MYO7B: variants seen among roughly 807,000 people sequenced by gnomAD.
MYO7B encodes the protein unconventional myosin-VIIb.
A neutral mutation model predicts 259.7 loss-of-function variants in MYO7B; 212 were observed. That is an observed-to-expected ratio of 0.82 (90% CI 0.73 to 0.91). The LOEUF (loss-of-function observed/expected upper bound fraction) is 0.91. Ranked by LOEUF, MYO7B falls within the 40% of genes least tolerant of loss-of-function variation. The pLI is 0.00. For missense variants in MYO7B, 2,732 were observed against 2,813.5 expected (o/e 0.97, Z 0.66); for synonymous variants, 1,197 against 1,166.4 (o/e 1.03, Z -0.54).
At chr2:127,579,454 G>A (rs1029257760) in intron 9 of MYO7B, among the ~76,000 whole-genome samples, 4 of 152,172 alleles carry the variant, frequency 2.6e-5, no homozygotes, top group Non-Finnish European at 4.4e-5. Context: ...TGCACACTTC[G>A]GCCAGGGAAA....
rs149090631 is a variant in MYO7B at position 127,607,809 on chromosome 2, G to T, written c.2643+385G>T. Among the ~76,000 whole-genome samples, 424 of 152,286 alleles carry T rather than the reference G, an allele frequency of 2.8e-3. 3 individuals are homozygous for T. The highest frequency in any genetic ancestry group is 9.7e-3 in the African/African-American group (401 of 41,554). ...GACAGCCTTAGCCTTGAACCTGGAAGGTGAGCTCAGGTCCCCTCCCTTTCA... is the reference window on the plus strand; with the variant it reads ...GACAGCCTTAGCCTTGAACCTGGAATGTGAGCTCAGGTCCCCTCCCTTTCA... On this transcript the variant is annotated intron_variant, in intron 21 of 47. Coordinates refer to ENST00000409816, the MANE Select transcript of MYO7B (RefSeq NM_001393586.1). The surrounding 1 kb of genome is among the most constrained non-coding windows in gnomAD (Gnocchi z 4.4).
intron 36 of MYO7B, 96 bp downstream of exon 36, chr2:127,631,004 T>C: frequency 1.4e-6 from 2 of 1,404,946 alleles, no homozygotes; most frequent in Non-Finnish European, 1.9e-6. Flanking sequence ...TCCACCTCAT[T>C]GCACCCACTG....
At chr2:127,561,914 G>A (rs1678100960) in intron 2 of MYO7B, among the ~76,000 whole-genome samples, 1 of 152,180 alleles carries the variant, frequency 6.6e-6, no homozygotes, top group African/African-American at 2.4e-5. Context: ...GTCTGGTGAA[G>A]CCTCTCTTCC....
chr2:127,637,300 C>G lies in MYO7B; in HGVS notation c.6328-16C>G. 2 of 1,540,558 alleles carry G rather than the reference C, an allele frequency of 1.3e-6. No homozygotes were observed. Among genetic ancestry groups the G allele is most frequent in the Non-Finnish European group, 1.7e-6 (2 of 1,147,022 alleles). On this transcript the variant is annotated splice_polypyrimidine_tract_variant and intron_variant, in intron 47 of 47. Coordinates refer to ENST00000409816, the MANE Select transcript of MYO7B (RefSeq NM_001393586.1). ...CTCTGCACCCACAGCCTCTGACCCC[C>G]CCGTCCCCTGTCCAGGGCTATAAGA...
intron 1 of MYO7B, among the ~76,000 whole-genome samples, chr2:127,544,367 C>T (rs1176247383): frequency 1.3e-5 from 2 of 152,120 alleles, no homozygotes; most frequent in East Asian, 3.9e-4. Context: ...ATGTGACCTT[C>T]TTCACTTAGA....
At chr2:127,580,413 A>G (rs574338561) in intron 9 of MYO7B, among the ~76,000 whole-genome samples, 1 of 152,362 alleles carries the variant, frequency 6.6e-6, no homozygotes, top group South Asian at 2.1e-4. Flanking sequence ...CTGATGGCTC[A>G]TCTCTCCAGT....
Position 127,574,074 on chromosome 2 carries a change from C to A in MYO7B, c.735+12C>A, listed in dbSNP as rs1046613228. 4 of 1,613,626 alleles carry A rather than the reference C, an allele frequency of 2.5e-6. No homozygotes were observed. The highest frequency in any genetic ancestry group is 1.3e-5 in the African/African-American group (1 of 74,914). On this transcript the variant is annotated intron_variant, in intron 7 of 47. Coordinates refer to ENST00000409816, the MANE Select transcript of MYO7B (RefSeq NM_001393586.1). ...GGGTCTGCCGGCAGGTGAGGCCTCC[C>A]CCTTCCCAGGTCGGGAGTTGAGGGA...
intron 26 of MYO7B, 54 bp from the exon 27 acceptor site, chr2:127,620,286 C>T: frequency 1.3e-6 from 2 of 1,560,656 alleles, no homozygotes; most frequent in Non-Finnish European, 1.7e-6. Context: ...GTACCCCTGT[C>T]TCCTCTCCTC....
Position 127,572,416 on chromosome 2 carries a change from C to CAAAA in MYO7B, c.593-1492_593-1489dup, listed in dbSNP as rs34864324. ...CCTGGGCGACAGAGTGAGACTGTCT[C>CAAAA]AAAAAAAAAAAAAAAGACTTTTCTG... On this transcript the variant is annotated intron_variant, in intron 6 of 47. Transcript: ENST00000409816. Among the ~76,000 whole-genome samples, 70 of 78,780 alleles carry CAAAA rather than the reference C, an allele frequency of 8.9e-4. 11 individuals carry two copies. The highest frequency in any genetic ancestry group is 2.5e-3 in the Admixed American group (21 of 8,370). 51.7% of individuals were successfully genotyped at this position (78,780 alleles called of 152,430 possible).
rs1692921455 is a variant in MYO7B at position 127,539,521 on chromosome 2, A to G, written c.-24+3690A>G. ...CATTGGCTATAACAGGAAATTCAGGAGAGTTTTTAAAGAGCTATTTGTAGA... is the reference window on the plus strand; with the variant it reads ...CATTGGCTATAACAGGAAATTCAGGGGAGTTTTTAAAGAGCTATTTGTAGA... On this transcript the variant is annotated intron_variant, in intron 1 of 47. Coordinates refer to ENST00000409816, the MANE Select transcript of MYO7B (RefSeq NM_001393586.1). This position sits in a 1 kb window ranked among gnomAD's most constrained non-coding sequence, Gnocchi z 4.0. Among the ~76,000 whole-genome samples, 1 of 152,206 alleles carries G rather than the reference A, an allele frequency of 6.6e-6. No homozygotes were observed. Among genetic ancestry groups the G allele is most frequent in the Non-Finnish European group, 1.5e-5 (1 of 68,024 alleles).
chr2:127,627,835 G>A lies in MYO7B; in HGVS notation c.4460+525G>A, dbSNP rs1242979795. On this transcript the variant is annotated intron_variant, in intron 33 of 47. Transcript: ENST00000409816. This position sits in a 1 kb window ranked among gnomAD's most constrained non-coding sequence, Gnocchi z 5.6. ...AGTCCCACCCAAGCCCTGCCAGAGC[G>A]CCCCTTGGTTGAAGCACACAACAGA... is the stretch of plus-strand genomic sequence containing the variant. 12 of 457,808 alleles carry A rather than the reference G, an allele frequency of 2.6e-5. No homozygotes were observed. In the East Asian group the frequency reaches 3.5e-4, roughly 13 times the overall value. The allele number at this position is 457,808 out of a possible 1,614,324, so 28.4% of individuals were successfully genotyped here. A position where few individuals can be genotyped will look rare whatever the true frequency, so the allele number is the denominator to read the frequency against.
rs1692902991 is a variant in MYO7B at position 127,539,030 on chromosome 2, C to G, written c.-24+3199C>G. Among the ~76,000 whole-genome samples, 1 of 152,186 alleles carries G rather than the reference C, an allele frequency of 6.6e-6. No homozygotes were observed. Among genetic ancestry groups the G allele is most frequent in the Admixed American group, 6.5e-5 (1 of 15,282 alleles). On this transcript the variant is annotated intron_variant, in intron 1 of 47. Transcript: ENST00000409816. This position sits in a 1 kb window ranked among gnomAD's most constrained non-coding sequence, Gnocchi z 4.0. ...TGCTGGAAAACTTTCAGCACAGTGT[C>G]TGTCTGAGCTCCTACTCTGTTCTGG... is the stretch of plus-strand genomic sequence containing the variant.
At chr2:127,536,477 G>C (rs13014408) in intron 1 of MYO7B, among the ~76,000 whole-genome samples, 4 of 125,272 alleles carry the variant, frequency 3.2e-5, no homozygotes, top group East Asian at 2.5e-4. Context: ...TGGGGGGGGG[G>C]GTGGGGGAAG....
At chr2:127,566,550 C>G in intron 4 of MYO7B, 93 bp from the exon 5 acceptor site, 1 of 1,289,870 alleles carries the variant, frequency 7.8e-7, no homozygotes, top group Non-Finnish European at 1.0e-6. Flanking sequence ...CTGATAACCC[C>G]GAGGGCAGAG....
rs967967628 is a variant in MYO7B, at chr2:127,559,228, C to G, written c.-23-472C>G. ...AGGCAGATCCGGGTTTGATTCCCAG[C>G]TGTGCTACTAATTAACTGAGTGGCA... On this transcript the variant is annotated intron_variant, in intron 1 of 47. Coordinates refer to ENST00000409816, the MANE Select transcript of MYO7B (RefSeq NM_001393586.1). The surrounding 1 kb of genome is among the most constrained non-coding windows in gnomAD (Gnocchi z 4.1). Among the ~76,000 whole-genome samples, 1 of 152,236 alleles carries G rather than the reference C, an allele frequency of 6.6e-6. No individual in the cohort carries two copies. Among genetic ancestry groups the G allele is most frequent in the African/African-American group, 2.4e-5 (1 of 41,462 alleles).
Position 127,623,357 on chromosome 2 carries a change from G to C in MYO7B, c.3801G>C (p.Gln1267His), listed in dbSNP as rs749507526. The C allele has an allele frequency of 6.3e-7, 1 of 1,599,320 alleles. No individual in the cohort carries two copies. The highest frequency in any genetic ancestry group is 8.5e-7 in the Non-Finnish European group (1 of 1,173,048). Residue 1267 changes from glutamine to histidine, a missense_variant, in exon 29 of 48, where the codon CAG becomes CAC. This residue lies in a region of MYO7B where 1,906 missense variants were observed against 2,026.4 expected (regional missense o/e 0.94). Transcript: ENST00000409816. ...GLSDHLGFSL[Q>H]VAVYDKFWSL... is the part of the protein sequence containing the mutation. ...GCGACCACCTGGGCTTCTCCCTCCA[G>C]GTCGCCGTGTACGACAAGGTACCAG...
chr2:127,618,418 A>G (rs1266098542), intron 26 of MYO7B, among the ~76,000 whole-genome samples: 1 of 152,152 alleles, frequency 6.6e-6, no homozygotes. Context: ...AGGGAGGAGG[A>G]GGTAACGATT....
rs532542442 is a variant in MYO7B, at chr2:127,628,195, G to A, written c.4461-177G>A. ...CAGCCTCCGAGAGGTCCTGTGCTCCGCCGTCCTTCATTTGTCCAGACCCAC... is the reference window on the plus strand; with the variant it reads ...CAGCCTCCGAGAGGTCCTGTGCTCCACCGTCCTTCATTTGTCCAGACCCAC... On this transcript the variant is annotated intron_variant, in intron 33 of 47. Coordinates refer to ENST00000409816, the MANE Select transcript of MYO7B (RefSeq NM_001393586.1). The surrounding 1 kb of genome is among the most constrained non-coding windows in gnomAD (Gnocchi z 4.8). The A allele has an allele frequency of 4.2e-5, 33 of 781,310 alleles. No homozygotes were observed. The highest frequency in any genetic ancestry group is 4.4e-4 in the Middle Eastern group (2 of 4,538). The allele number at this position is 781,310 out of a possible 1,614,324, so 48.4% of individuals were successfully genotyped here. A position where few individuals can be genotyped will look rare whatever the true frequency, so the allele number is the denominator to read the frequency against.
rs1169230230 is a variant in MYO7B, at chr2:127,597,615, T to A, written c.2339+1059T>A. Among the ~76,000 whole-genome samples the A allele has an allele frequency of 7.9e-5, 7 of 88,918 alleles. No homozygotes were observed. The highest frequency in any genetic ancestry group is 7.0e-4 in the Admixed American group (7 of 9,946). The allele number at this position is 88,918 out of a possible 152,430, so 58.3% of individuals were successfully genotyped here. The stretch of plus-strand genomic sequence containing the variant: ...TCCAGGTTATTGCTTGCATTAATAT[T>A]TATTTATTTATTTATTTATTTATTT... On this transcript the variant is annotated intron_variant, in intron 19 of 47. Transcript: ENST00000409816. This position sits in a 1 kb window ranked among gnomAD's most constrained non-coding sequence, Gnocchi z 4.8.
Sources: allele counts gnomAD v4.1 joint callset (sites outside exome capture counted in the v4.1 genomes callset), GRCh38; gene constraint gnomAD v4.1.1; regional missense constraint gnomAD v4.1.1; non-coding constraint Gnocchi (gnomAD v3.1); transcripts MANE v1.5; gene names NCBI Gene and HGNC (gene_info 2026-07-23, HGNC 2026-07-21).